Variants in AARS1 observed in about 807,000 individuals in gnomAD.
AARS1 encodes the protein alanine--tRNA ligase, cytoplasmic.
AARS1 carries 72 observed loss-of-function variants against 108.9 expected under a neutral mutation model. The observed-to-expected ratio is 0.66, with a 90% CI of 0.55 to 0.80. AARS1 has a LOEUF of 0.80. Among genes scored for constraint, AARS1 ranks in the 30% least tolerant of loss-of-function variants. AARS1 has a pLI of 0.00. For synonymous variants in AARS1, 489 were observed against 465.7 expected (o/e 1.05, Z -0.64); for missense variants, 1,193 against 1,233.2 (o/e 0.97, Z 0.49).
Position 70,269,645 on chromosome 16 carries a change from C to T in AARS1, c.935G>A (p.Gly312Asp), listed in dbSNP as rs777824151. The T allele has an allele frequency of 5.6e-6, 9 of 1,614,064 alleles. No individual in the cohort carries two copies. In the Admixed American group the frequency reaches 1.2e-4, roughly 21 times the overall value. The change falls in exon 7 of 21, where the codon GGT (glycine) becomes GAT (aspartate). Residue 312 changes from glycine (G) to aspartate (D), a missense_variant. Coordinates refer to ENST00000261772, the MANE Select transcript of AARS1 (RefSeq NM_001605.3). The stretch of plus-strand genomic sequence containing the variant: ...ACGCCCTGTGTTGTCAGGCCGGCCA[C>T]CATCAGCCAGTGCCACAGTGATGGT... ...ARTITVALAD[G>D]GRPDNTGRGY...
At chr16:70,282,455 T>G (rs1960724303) in intron 2 of AARS1, among the ~76,000 whole-genome samples, 165 bp downstream of exon 2, 2 of 152,220 alleles carry the variant, frequency 1.3e-5, no homozygotes, top group African/African-American at 4.8e-5. Flanking sequence ...CCCGCAATAT[T>G]ATTCCTCATT....
At chr16:70,258,945 G>T (rs201177309) in intron 14 of AARS1, 35 bp downstream of exon 14, 1 of 1,590,544 alleles carries the variant, frequency 6.3e-7, no homozygotes, top group South Asian at 1.1e-5. Flanking sequence ...GTGACGGTGT[G>T]GGGAGGGGGG....
intron 2 of AARS1, among the ~76,000 whole-genome samples, chr16:70,282,057 C>T (rs1960709354): frequency 6.6e-6 from 1 of 151,744 alleles, no homozygotes; most frequent in Non-Finnish European, 1.5e-5. Context: ...GAGGCTGAGG[C>T]AGGAGAATGG....
At chr16:70,280,701 G>A (rs1343803577) in intron 2 of AARS1, among the ~76,000 whole-genome samples, 1 of 152,102 alleles carries the variant, frequency 6.6e-6, no homozygotes, top group African/African-American at 2.4e-5. Flanking sequence ...GACCAGCCTG[G>A]GAAGTACTGT....
chr16:70,252,315 A>T lies in AARS1; in HGVS notation c.*406T>A, dbSNP rs988472351. On this transcript the variant is annotated 3_prime_UTR_variant, in exon 21 of 21. Transcript: ENST00000261772. ...GCAGCCAGCAGGAGCCACAGCATTT[A>T]TTCTACAGACGCCAAAGGCTGTCAA... is the stretch of plus-strand genomic sequence containing the variant. 1.1e-4 allele frequency: 35 copies of T among 332,318 alleles called. No homozygotes were observed. In the Admixed American group the frequency reaches 1.6e-3, roughly 15 times the overall value. The allele number at this position is 332,318 out of a possible 1,614,324, so 20.6% of individuals were successfully genotyped here. A position where few individuals can be genotyped will look rare whatever the true frequency, so the allele number is the denominator to read the frequency against.
chr16:70,277,277 TAG>T, intron 2 of AARS1, 123 bp from the exon 3 acceptor site: 1 of 1,066,658 alleles, frequency 9.4e-7, no homozygotes. Flanking sequence ...GCCTGGAATA[TAG>T]ACACTTGTCA....
At chr16:70,253,834 C>T in intron 18 of AARS1, 34 bp from the exon 19 acceptor site, 1 of 1,614,214 alleles carries the variant, frequency 6.2e-7, no homozygotes, top group Non-Finnish European at 8.5e-7. Flanking sequence ...GCAGCTCAGA[C>T]CAAAAGCCCA....
At chr16:70,272,521 A>C (rs1960433902) in intron 4 of AARS1, among the ~76,000 whole-genome samples, 1 of 149,112 alleles carries the variant, frequency 6.7e-6, no homozygotes, top group African/African-American at 2.5e-5. Context: ...AAAAAAAAAA[A>C]AAAAAAAAAA....
chr16:70,286,195 T>C (rs867012800), intron 1 of AARS1, among the ~76,000 whole-genome samples: 5 of 152,324 alleles, frequency 3.3e-5, no homozygotes, highest in Middle Eastern at 6.8e-3. Context: ...TTATTCGATA[T>C]AAATTCAATA....
chr16:70,272,738 C>T (rs1182368755), intron 4 of AARS1, among the ~76,000 whole-genome samples: 2 of 150,862 alleles, frequency 1.3e-5, no homozygotes, highest in African/African-American at 4.9e-5. Flanking sequence ...GGCAACATTG[C>T]GAAACCCCGA....
intron 12 of AARS1, 76 bp downstream of exon 12, chr16:70,262,270 G>A: frequency 6.4e-7 from 1 of 1,572,982 alleles, no homozygotes. Flanking sequence ...AAGGCCTGGA[G>A]CACTGTGGGG....
Position 70,271,896 on chromosome 16 carries a change from G to A in AARS1, c.556C>T (p.Pro186Ser). The A allele has an allele frequency of 1.9e-6, 3 of 1,614,142 alleles. No homozygotes were observed. Among genetic ancestry groups the A allele is most frequent in the Non-Finnish European group, 2.5e-6 (3 of 1,180,038 alleles). Residue 186 changes from proline to serine, a missense_variant, in exon 5 of 21, where the codon CCT (proline) becomes TCT (serine). Transcript: ENST00000261772. ...CGGTCGTAGTGGATCTCACTGCAAG[G>A]ACCACAGGGGCCCGTGTCACCCATC... The part of the protein sequence containing the change: ...WEMGDTGPCG[P>S]CSEIHYDRIG...
chr16:70,275,501 G>A (rs973035969), intron 4 of AARS1, among the ~76,000 whole-genome samples: 12 of 151,166 alleles, frequency 7.9e-5, no homozygotes, highest in Non-Finnish European at 1.2e-4. Context: ...GGTTCCTCAC[G>A]CCTGTAATCC....
chr16:70,253,242 TC>T, intron 20 of AARS1, 25 bp downstream of exon 20: 1 of 1,564,716 alleles, frequency 6.4e-7, no homozygotes, highest in Non-Finnish European at 8.8e-7. Flanking sequence ...ACCTAACACT[TC>T]CCACTGGTGC....
At chr16:70,288,304 T>A (rs1247194460) in intron 1 of AARS1, among the ~76,000 whole-genome samples, 9 of 150,490 alleles carry the variant, frequency 6.0e-5, no homozygotes, top group Non-Finnish European at 3.0e-5. Context: ...AGAGATGGGG[T>A]TTCACCGTGT....
At chr16:70,285,591 G>C (rs542589807) in intron 1 of AARS1, among the ~76,000 whole-genome samples, 1 of 152,160 alleles carries the variant, frequency 6.6e-6, no homozygotes, top group Non-Finnish European at 1.5e-5. Context: ...CTGGATTACA[G>C]GTAAGTGCCA....
At chr16:70,269,881 A>G (rs1960355788) in intron 6 of AARS1, 118 bp from the exon 7 acceptor site, 2 of 1,361,734 alleles carry the variant, frequency 1.5e-6, no homozygotes, top group Non-Finnish European at 2.1e-6. Flanking sequence ...GTCTTGCCAG[A>G]TCCTATAACC....
chr16:70,283,938 G>A (rs1313978602), intron 1 of AARS1, among the ~76,000 whole-genome samples: 1 of 152,262 alleles, frequency 6.6e-6, no homozygotes. Flanking sequence ...CAAGTTGGGC[G>A]CGGTGGCTCA....
At chr16:70,281,603 T>C (rs535192419) in intron 2 of AARS1, among the ~76,000 whole-genome samples, 8 of 152,192 alleles carry the variant, frequency 5.3e-5, no homozygotes, top group African/African-American at 1.4e-4. Context: ...GAGGCAGAGA[T>C]TGCAGTGAGC....
Sources: gnomAD v4.1 joint callset for allele counts (sites outside exome capture counted in the v4.1 genomes callset) on GRCh38, gnomAD v4.1.1 for gene constraint, MANE v1.5 for transcripts, NCBI Gene and HGNC (gene_info 2026-07-23, HGNC 2026-07-21) for gene names.